MYH11: variants seen among roughly 807,000 people sequenced by gnomAD.
The protein encoded by MYH11 is myosin-11.
In MYH11, 80 loss-of-function variants were observed where a neutral mutation model predicts 246.6. That is an observed-to-expected ratio of 0.32 (90% CI 0.27 to 0.39). The LOEUF (loss-of-function observed/expected upper bound fraction) is 0.39, where lower values mean the gene tolerates loss of function less well. Among genes scored for constraint, MYH11 ranks in the 10% least tolerant of loss-of-function variants. The pLI, the probability that MYH11 is intolerant of heterozygous loss-of-function variation, is 1.00. For missense variants in MYH11, 2,158 were observed against 2,546.8 expected (o/e 0.85, Z 3.29); for synonymous variants, 1,071 against 1,015.5 (o/e 1.05, Z -1.04).
chr16:15,832,550 C>CA (rs1285125125), intron 2 of MYH11, among the ~76,000 whole-genome samples: 1 of 152,168 alleles, frequency 6.6e-6, no homozygotes, highest in Non-Finnish European at 1.5e-5. Flanking sequence ...AGGTCCTCTG[C>CA]TTTTTCGAGC....
At chr16:15,713,099 G>A (rs1259548598) in intron 40 of MYH11, 1 of 151,844 alleles carries the variant, frequency 6.6e-6, no homozygotes, top group Non-Finnish European at 1.5e-5. Context: ...TAGACATGGG[G>A]CTAAGAGGTT....
intron 38 of MYH11, among the ~76,000 whole-genome samples, chr16:15,715,535 C>CTA (rs1370009392): frequency 6.6e-6 from 1 of 152,200 alleles, no homozygotes; most frequent in Non-Finnish European, 1.5e-5. Context: ...CCGTTGATAT[C>CTA]AAGTGTCCAG....
intron 2 of MYH11, among the ~76,000 whole-genome samples, chr16:15,836,511 T>C (rs951238023): frequency 6.6e-6 from 1 of 152,150 alleles, no homozygotes; most frequent in Non-Finnish European, 1.5e-5. Context: ...GCGATTCTCC[T>C]GCCTCGGCCT....
intron 2 of MYH11, among the ~76,000 whole-genome samples, chr16:15,827,236 G>GT (rs1199799633): frequency 2.0e-5 from 3 of 152,100 alleles, no homozygotes; most frequent in Admixed American, 1.3e-4. Context: ...AAAACACGTC[G>GT]TAAGAACAGA....
intron 10 of MYH11, 36 bp downstream of exon 10, chr16:15,763,760 C>CCCCCCAAAAAAA: frequency 8.4e-7 from 1 of 1,192,092 alleles, no homozygotes; most frequent in Non-Finnish European, 1.3e-6. Flanking sequence ...CCCCCAACCC[C>CCCCCCAAAAAAA]AAAGTCATTG....
At chr16:15,752,359 G>A (rs2041595308) in intron 15 of MYH11, among the ~76,000 whole-genome samples, 1 of 152,042 alleles carries the variant, frequency 6.6e-6, no homozygotes, top group Non-Finnish European at 1.5e-5. Context: ...AAAACCTGCT[G>A]TGGACACTGA....
intron 25 of MYH11, among the ~76,000 whole-genome samples, chr16:15,736,522 CCCCACCTCGGCTT>C (rs1370623566): frequency 1.3e-5 from 2 of 152,134 alleles, no homozygotes; most frequent in Admixed American, 1.3e-4. Flanking sequence ...CAAGCAATCC[CCCCACCTCGGCTT>C]CCCAAAGTGC....
At chr16:15,719,486 G>T (rs2040350353) in intron 35 of MYH11, 99 bp downstream of exon 35, 1 of 1,580,088 alleles carries the variant, frequency 6.3e-7, no homozygotes, top group Admixed American at 1.7e-5. Flanking sequence ...GACCCCAGAG[G>T]AGGACGAAAT....
At chr16:15,784,481 G>A (rs866762088) in intron 5 of MYH11, among the ~76,000 whole-genome samples, 10 of 152,040 alleles carry the variant, frequency 6.6e-5, no homozygotes, top group Non-Finnish European at 1.2e-4. Context: ...TCCAATAGGC[G>A]TCCCGTGGGT....
At chr16:15,706,003 A>AAAAAAAAAT (rs2039431716) in intron 40 of MYH11, among the ~76,000 whole-genome samples, 2 of 150,970 alleles carry the variant, frequency 1.3e-5, no homozygotes, top group South Asian at 2.1e-4. Context: ...AAAAAAAAAA[A>AAAAAAAAAT]AATCAAGGCC....
At chr16:15,751,875 T>C (rs2041582363) in intron 15 of MYH11, among the ~76,000 whole-genome samples, 2 of 152,098 alleles carry the variant, frequency 1.3e-5, no homozygotes, top group Admixed American at 6.6e-5. Flanking sequence ...CTCAGCTCAC[T>C]GCAACCTGCG....
At chr16:15,719,786 G>A (rs2040369871) in intron 34 of MYH11, 73 bp from the exon 35 acceptor site, 2 of 1,595,624 alleles carry the variant, frequency 1.3e-6, no homozygotes, top group Admixed American at 3.3e-5. Flanking sequence ...GTTCAGCTTT[G>A]CACACCCACC....
chr16:15,806,131 G>T (rs1338953118), intron 3 of MYH11, among the ~76,000 whole-genome samples: 1 of 151,550 alleles, frequency 6.6e-6, no homozygotes, highest in African/African-American at 2.4e-5. Flanking sequence ...ACAAAAATTA[G>T]CCAGGTGTGG....
intron 38 of MYH11, 100 bp downstream of exon 38, chr16:15,717,040 A>G: frequency 2.3e-6 from 3 of 1,306,148 alleles, no homozygotes; most frequent in Non-Finnish European, 3.3e-6. Context: ...TGCTTCTTAC[A>G]AGCCAGAACT....
rs772248675 is a variant in MYH11, at chr16:15,747,596, C to T, written c.2385G>A (p.Ala795=). The T allele has an allele frequency of 1.4e-5, 23 of 1,613,996 alleles. No homozygotes were observed. In the East Asian group the frequency reaches 1.6e-4, roughly 11 times the overall value. ...TTCTGGCCAAGTAGCCACGACACAT[C>T]GCCTGGAAGGCCATGATGACATCGG... The part of the protein sequence containing the change: ...KITDVIMAFQ[A]MCRGYLARKA... The change falls in exon 19 of 41, where the codon GCG becomes GCA. Residue 795 remains alanine (A), a synonymous_variant. Coordinates refer to ENST00000300036, the MANE Select transcript of MYH11 (RefSeq NM_002474.3).
chr16:15,790,545 C>A (rs1483401640), intron 4 of MYH11, among the ~76,000 whole-genome samples: 1 of 152,152 alleles, frequency 6.6e-6, no homozygotes, highest in African/African-American at 2.4e-5. Context: ...GGCTCGTGGG[C>A]GTCTGAAGGT....
chr16:15,730,050 T>C (rs553747363), intron 27 of MYH11, among the ~76,000 whole-genome samples: 1 of 152,132 alleles, frequency 6.6e-6, no homozygotes, highest in East Asian at 1.9e-4. Context: ...GATCTGGTTG[T>C]TTAAAAGTGT....
chr16:15,842,786 A>G (rs866944335), intron 1 of MYH11, among the ~76,000 whole-genome samples: 5 of 150,036 alleles, frequency 3.3e-5, no homozygotes, highest in South Asian at 2.1e-4. Flanking sequence ...AAAAAAAAAA[A>G]AAAAGGGCAG....
intron 26 of MYH11, among the ~76,000 whole-genome samples, chr16:15,733,684 C>T (rs1422481985): frequency 3.4e-5 from 5 of 148,860 alleles, no homozygotes; most frequent in South Asian, 2.2e-4. Context: ...CTGGGATTAC[C>T]GACGCCCACC....
Sources: gnomAD v4.1 joint callset for allele counts (sites outside exome capture counted in the v4.1 genomes callset) on GRCh38, gnomAD v4.1.1 for gene constraint, MANE v1.5 for transcripts, NCBI Gene and HGNC (gene_info 2026-07-23, HGNC 2026-07-21) for gene names.